Variants in RGPD4 observed in about 807,000 individuals in gnomAD.
RGPD4 encodes ranBP2-like and GRIP domain-containing protein 4.
A neutral mutation model predicts 141.1 loss-of-function variants in RGPD4; 84 were observed. The ratio of observed to expected loss-of-function variants is 0.60; its 90% CI spans 0.50 to 0.71. The LOEUF (loss-of-function observed/expected upper bound fraction) is 0.71, where lower values mean the gene tolerates loss of function less well. Ranked by LOEUF, RGPD4 falls within the 30% of genes least tolerant of loss-of-function variation. The pLI, the probability that RGPD4 is intolerant of heterozygous loss-of-function variation, is 0.00. For missense variants in RGPD4, 918 were observed against 1,622.4 expected, an observed-to-expected ratio of 0.57 and a Z score of 7.46; for synonymous variants, 298 against 566.8, an observed-to-expected ratio of 0.53 and a Z score of 6.74.
intron 21 of RGPD4, among the ~76,000 whole-genome samples, chr2:107,880,581 C>T (rs1225995485): frequency 1.3e-5 from 2 of 151,548 alleles, no homozygotes; most frequent in East Asian, 3.9e-4. Flanking sequence ...TCTTTTACAC[C>T]TATTACATAA....
intron 17 of RGPD4, among the ~76,000 whole-genome samples, chr2:107,863,687 T>G (rs1365151131): frequency 6.6e-6 from 1 of 151,682 alleles, no homozygotes; most frequent in Admixed American, 6.6e-5. Flanking sequence ...GACACAGAGT[T>G]TCACCATGTT....
rs202214994 is a variant in RGPD4 at position 107,827,013 on chromosome 2, G to C, written c.-1G>C. ...GTCTCGGGAGCCAGGTTGGTGGCGC[G>C]ATGAGTTGCAGCAAGGCCTACGGGG... On this transcript the variant is annotated 5_prime_UTR_variant, in exon 1 of 23. Coordinates refer to ENST00000408999, the MANE Select transcript of RGPD4 (RefSeq NM_182588.3). The C allele has an allele frequency of 5.0e-6, 8 of 1,598,172 alleles. No individual in the cohort carries two copies. The highest frequency in any genetic ancestry group is 2.3e-5 in the East Asian group (1 of 44,332).
At position 107,870,776 on chromosome 2, in the gene RGPD4, A is replaced by G; in HGVS notation, c.2772A>G (p.Lys924=). 6.2e-7 allele frequency: 1 copy of G among 1,609,940 alleles called. No homozygotes were observed. Among genetic ancestry groups the G allele is most frequent in the Non-Finnish European group, 8.5e-7 (1 of 1,179,028 alleles). ...TCCCTGTGTCTGCTGATGGATTTAA[A>G]TTTGGCATTTCGGAACCAGGAAATC... ...FSIPVSADGF[K]FGISEPGNQE... is the part of the protein sequence containing the mutation. The change falls in exon 20 of 23, where the codon AAA becomes AAG. Residue 924 remains lysine, a synonymous_variant. Transcript: ENST00000408999.
intron 6 of RGPD4, among the ~76,000 whole-genome samples, chr2:107,845,716 A>G (rs1235088749): frequency 3.3e-5 from 5 of 152,088 alleles, no homozygotes; most frequent in African/African-American, 1.2e-4. Context: ...GGCGCCCACC[A>G]CCACGCTCGG....
At chr2:107,889,143 T>C (rs1320938579) in intron 22 of RGPD4, among the ~76,000 whole-genome samples, 3 of 149,968 alleles carry the variant, frequency 2.0e-5, no homozygotes, top group Non-Finnish European at 2.9e-5. Flanking sequence ...AAACACAGAA[T>C]GGTGTCTGGA....
In RGPD4 at chr2:107,872,049, A is replaced by G; in HGVS notation, c.4045A>G (p.Ser1349Gly). 1.9e-6 allele frequency: 3 copies of G among 1,611,616 alleles called. No individual in the cohort carries two copies. Among genetic ancestry groups the G allele is most frequent in the Non-Finnish European group, 2.5e-6 (3 of 1,179,854 alleles). ...VPLPDLVEVS[S>G]GEENEKVVFS... Reference sequence around the variant, plus strand: ...TTTACCTGATCTAGTTGAAGTATCCAGTGGTGAGGAAAATGAAAAAGTTGT... The same window carrying G: ...TTTACCTGATCTAGTTGAAGTATCCGGTGGTGAGGAAAATGAAAAAGTTGT... The change falls in exon 20 of 23, where the codon AGT becomes GGT. Residue 1349 changes from serine to glycine, a missense_variant. Transcript: ENST00000408999.
chr2:107,888,517 T>A (rs1675570055), intron 22 of RGPD4, among the ~76,000 whole-genome samples: 1 of 151,602 alleles, frequency 6.6e-6, no homozygotes, highest in Non-Finnish European at 1.5e-5. Context: ...TAGAAGTTCT[T>A]CAGATTGTGG....
chr2:107,829,594 C>T (rs1681390405), intron 1 of RGPD4, among the ~76,000 whole-genome samples: 2 of 150,118 alleles, frequency 1.3e-5, no homozygotes, highest in Admixed American at 1.3e-4. Context: ...TCCCGACGGG[C>T]GCTGCTCCCA....
chr2:107,845,554 A>G (rs1681895976), intron 6 of RGPD4, among the ~76,000 whole-genome samples: 3 of 151,920 alleles, frequency 2.0e-5, no homozygotes, highest in South Asian at 2.1e-4. Flanking sequence ...GTGCCACCCT[A>G]GGCAGTTTCA....
intron 22 of RGPD4, among the ~76,000 whole-genome samples, chr2:107,885,375 A>G (rs1056363577): frequency 6.6e-6 from 1 of 152,252 alleles, no homozygotes; most frequent in African/African-American, 2.4e-5. Flanking sequence ...CAATGATATT[A>G]TCTCAAAATA....
Position 107,865,487 on chromosome 2 carries a change from G to C in RGPD4, c.2470-703G>C, listed in dbSNP as rs1367466423. Among the ~76,000 whole-genome samples, 11 of 137,164 alleles carry C rather than the reference G, an allele frequency of 8.0e-5. No individual in the cohort carries two copies. In the East Asian group the frequency reaches 2.2e-3, roughly 27 times the overall value. 90.0% of individuals were successfully genotyped at this position (137,164 alleles called of 152,430 possible). On this transcript the variant is annotated intron_variant, in intron 17 of 22. Coordinates refer to ENST00000408999, the MANE Select transcript of RGPD4 (RefSeq NM_182588.3). ...TGAAAGGATGGTCACTGTAATGTTA[G>C]AGGACTGTGAAAGTTGGGGAAAGAA...
At chr2:107,828,151 A>G (rs79136945) in intron 1 of RGPD4, among the ~76,000 whole-genome samples, 7 of 6,392 alleles carry the variant, frequency 1.1e-3, no homozygotes, top group African/African-American at 5.3e-3. Context: ...TGGCTCAGGC[A>G]TCATGGTTCC....
chr2:107,885,762 G>A (rs1182620337), intron 22 of RGPD4, among the ~76,000 whole-genome samples: 2 of 151,998 alleles, frequency 1.3e-5, no homozygotes, highest in South Asian at 4.1e-4. Context: ...CTTTAAGAGA[G>A]AGAATGTAAG....
intron 1 of RGPD4, among the ~76,000 whole-genome samples, chr2:107,829,711 T>C (rs1681400078): frequency 6.6e-6 from 1 of 152,102 alleles, no homozygotes; most frequent in South Asian, 2.1e-4. Flanking sequence ...GGGAGACCTT[T>C]GGCGCCGGCG....
At chr2:107,845,481 A>T (rs1364934126) in intron 6 of RGPD4, among the ~76,000 whole-genome samples, 1 of 150,154 alleles carries the variant, frequency 6.7e-6, no homozygotes, top group African/African-American at 2.5e-5. Context: ...ACTCGGGAGA[A>T]TCTGGACCAT....
Position 107,871,845 on chromosome 2 carries a change from A to T in RGPD4, c.3841A>T (p.Asn1281Tyr), listed in dbSNP as rs1682934475. 2 of 1,611,486 alleles carry T rather than the reference A, an allele frequency of 1.2e-6. No homozygotes were observed. Among genetic ancestry groups the T allele is most frequent in the African/African-American group, 1.3e-5 (1 of 74,482 alleles). ...ATTGGCAAGTAGCCCTGTGAGAAAAAATCTTTTCCATTTTGGTGAGTCAAC... is the reference window on the plus strand; with the variant it reads ...ATTGGCAAGTAGCCCTGTGAGAAAATATCTTTTCCATTTTGGTGAGTCAAC... ...SPLASSPVRKNLFHFGESTTG... is the reference protein window; with the variant it reads ...SPLASSPVRKYLFHFGESTTG... Residue 1281 changes from asparagine to tyrosine, a missense_variant, in exon 20 of 23, where the codon AAT (asparagine) becomes TAT (tyrosine). Transcript: ENST00000408999.
Position 107,870,776 on chromosome 2 carries a change from A to AT in RGPD4, c.2775dup (p.Gly926TrpfsTer13). 6.2e-7 allele frequency: 1 copy of AT among 1,609,940 alleles called. No individual in the cohort carries two copies. On this transcript the variant is annotated frameshift_variant, in exon 20 of 23. Transcript: ENST00000408999. LOFTEE classifies it high-confidence loss of function. ...TCCCTGTGTCTGCTGATGGATTTAA[A>AT]TTTGGCATTTCGGAACCAGGAAATC...
In RGPD4 at chr2:107,882,752, C is replaced by A. The variant is rs200239667; in HGVS notation, c.5145C>A (p.Asn1715Lys). The change falls in exon 22 of 23, where the codon AAC (asparagine) becomes AAA (lysine). Residue 1715 changes from asparagine to lysine, a missense_variant. Physicochemically the swap from Asn to Lys is moderately conservative, Grantham distance 94 (BLOSUM62 0). Transcript: ENST00000408999. ...CAGCTAACGTGGAACACTTGAAGAACGTCTTGCTGCAGTTCATTTTCTTGA... is the reference window on the plus strand; with the variant it reads ...CAGCTAACGTGGAACACTTGAAGAAAGTCTTGCTGCAGTTCATTTTCTTGA... ...ESAANVEHLK[N>K]VLLQFIFLKP... 18 of 1,611,420 alleles carry A rather than the reference C, an allele frequency of 1.1e-5. No individual in the cohort carries two copies. In the Admixed American group the frequency reaches 1.7e-4, roughly 15 times the overall value.
At chr2:107,846,126 C>A (rs1348521845) in intron 6 of RGPD4, among the ~76,000 whole-genome samples, 4 of 144,698 alleles carry the variant, frequency 2.8e-5, no homozygotes, top group Admixed American at 2.8e-4. Flanking sequence ...TGGGGTTTCA[C>A]TGTGTTAGCC....
Sources: allele counts gnomAD v4.1 joint callset (sites outside exome capture counted in the v4.1 genomes callset), GRCh38; gene constraint gnomAD v4.1.1; transcripts MANE v1.5; gene names NCBI Gene and HGNC (gene_info 2026-07-23, HGNC 2026-07-21).